The following ANKRD28 variants were observed in gnomAD, a reference collection of about 807,000 sequenced individuals.
ANKRD28 encodes serine/threonine-protein phosphatase 6 regulatory ankyrin repeat subunit A.
Under a neutral mutation model 126.5 loss-of-function variants are expected in ANKRD28, and 44 were observed. The ratio of observed to expected loss-of-function variants is 0.35; its 90% CI spans 0.27 to 0.45. The LOEUF (loss-of-function observed/expected upper bound fraction) is 0.45, where lower values mean the gene tolerates loss of function less well. ANKRD28 is among the 20% of genes least tolerant of loss of function. The pLI is 1.00. For synonymous variants in ANKRD28, 442 were observed against 468.5 expected (o/e 0.94, Z 0.73); for missense variants, 1,110 against 1,316.6 (o/e 0.84, Z 2.43).
intron 1 of ANKRD28, among the ~76,000 whole-genome samples, chr3:15,818,491 A>G (rs192684341): frequency 6.6e-6 from 1 of 152,346 alleles, no homozygotes; most frequent in East Asian, 1.9e-4. Flanking sequence ...CATTTATGCA[A>G]ATATTCCAAA....
At chr3:15,792,090 A>T (rs771329794) in intron 2 of ANKRD28, among the ~76,000 whole-genome samples, 1 of 151,826 alleles carries the variant, frequency 6.6e-6, no homozygotes, top group Non-Finnish European at 1.5e-5. Flanking sequence ...AATGCTGGTG[A>T]GGATGTAAAG....
intron 2 of ANKRD28, among the ~76,000 whole-genome samples, chr3:15,770,001 G>C (rs1401548331): frequency 2.7e-5 from 4 of 150,938 alleles, no homozygotes. Context: ...ACCTGTCAGT[G>C]GACTCCACAT....
intron 14 of ANKRD28, among the ~76,000 whole-genome samples, chr3:15,704,030 T>A (rs1347106963): frequency 6.6e-6 from 1 of 152,136 alleles, no homozygotes; most frequent in Non-Finnish European, 1.5e-5. Flanking sequence ...TTCCTTCTCT[T>A]ATATACATAC....
intron 4 of ANKRD28, among the ~76,000 whole-genome samples, chr3:15,739,472 G>A (rs2075286385): frequency 2.0e-5 from 3 of 152,006 alleles, no homozygotes; most frequent in Admixed American, 2.0e-4. Flanking sequence ...AAATGAAAAC[G>A]ACCAAAACCG....
At chr3:15,719,070 G>A (rs1333432994) in intron 8 of ANKRD28, among the ~76,000 whole-genome samples, 3 of 152,070 alleles carry the variant, frequency 2.0e-5, no homozygotes, top group African/African-American at 7.2e-5. Context: ...TGATTTGACC[G>A]AGACCTAAAA....
In ANKRD28 at chr3:15,707,827, A is replaced by G. The variant is rs573361614; in HGVS notation, c.1547+97T>C. On this transcript the variant is annotated intron_variant, in intron 14 of 27. Coordinates refer to ENST00000683139, the MANE Select transcript of ANKRD28 (RefSeq NM_001349278.2). Reference sequence around the variant, plus strand: ...AGGGCAAAGATAATCAACAAAAAATACAAAGAGGAAACACAAATTTGCAAC... The same window carrying G: ...AGGGCAAAGATAATCAACAAAAAATGCAAAGAGGAAACACAAATTTGCAAC... 1.5e-5 allele frequency: 21 copies of G among 1,418,974 alleles called. No individual in the cohort carries two copies. In the South Asian group the frequency reaches 2.2e-4, roughly 15 times the overall value. The allele number at this position is 1,418,974 out of a possible 1,614,324, so 87.9% of individuals were successfully genotyped here.
In ANKRD28 at chr3:15,737,371, A is replaced by C. The variant is rs2075088936; in HGVS notation, c.352-138T>G. On this transcript the variant is annotated intron_variant, in intron 4 of 27. Transcript: ENST00000683139. ...AAAAAGCTCTCATAGAACTCACTAT[A>C]AACAAGTAGGAATTTACCCAAGGAA... 5.4e-6 allele frequency: 4 copies of C among 737,576 alleles called. No individual in the cohort carries two copies. The South Asian group carries it at 6.2e-5, about 11-fold the overall frequency. 45.7% of individuals were successfully genotyped at this position (737,576 alleles called of 1,614,324 possible).
chr3:15,674,925 A>C (rs2066776867), intron 27 of ANKRD28, among the ~76,000 whole-genome samples: 2 of 152,092 alleles, frequency 1.3e-5, no homozygotes, highest in Non-Finnish European at 1.5e-5. Context: ...CAGTTTTGCT[A>C]TGTGTAGGGG....
At chr3:15,788,196 C>T (rs2059868639) in intron 2 of ANKRD28, among the ~76,000 whole-genome samples, 1 of 152,034 alleles carries the variant, frequency 6.6e-6, no homozygotes, top group Non-Finnish European at 1.5e-5. Flanking sequence ...CACTTGTTTG[C>T]AATGATAAAA....
At chr3:15,731,257 G>A (rs921681269) in intron 6 of ANKRD28, among the ~76,000 whole-genome samples, 1 of 152,186 alleles carries the variant, frequency 6.6e-6, no homozygotes, top group Non-Finnish European at 1.5e-5. Flanking sequence ...TATTCTGGGA[G>A]CTCAACTACA....
chr3:15,673,421 A>G (rs1417235932), intron 27 of ANKRD28, among the ~76,000 whole-genome samples: 1 of 152,260 alleles, frequency 6.6e-6, no homozygotes. Context: ...GGCACTATTT[A>G]GAACACTAAG....
At chr3:15,692,574 A>C (rs1258461654) in intron 17 of ANKRD28, among the ~76,000 whole-genome samples, 2 of 152,224 alleles carry the variant, frequency 1.3e-5, no homozygotes, top group African/African-American at 2.4e-5. Context: ...GAAGAAGTCC[A>C]AATGTCCAGT....
At chr3:15,740,302 T>G (rs759984529) in intron 4 of ANKRD28, among the ~76,000 whole-genome samples, 12 of 152,226 alleles carry the variant, frequency 7.9e-5, no homozygotes, top group Non-Finnish European at 1.5e-4. Context: ...GGATAAAGGT[T>G]ACACAGGTGT....
rs140034523 is a variant in ANKRD28, at chr3:15,823,711, T to C, written c.28-28405A>G. The stretch of plus-strand genomic sequence containing the variant: ...CAAATTCAGCAGCATATTGAAAGAA[T>C]TGTAGACCATGTCCAAGTGGGACTT... On this transcript the variant is annotated intron_variant, in intron 1 of 27. Transcript: ENST00000399451. Among the ~76,000 whole-genome samples the C allele has an allele frequency of 1.1e-4, 16 of 152,328 alleles. No individual in the cohort carries two copies. In the East Asian group the frequency reaches 2.9e-3, roughly 28 times the overall value.
intron 6 of ANKRD28, among the ~76,000 whole-genome samples, chr3:15,729,635 C>G (rs2074429496): frequency 6.6e-6 from 1 of 152,072 alleles, no homozygotes; most frequent in Admixed American, 6.6e-5. Context: ...TTAAAAATCC[C>G]TTCATAGATA....
At chr3:15,741,718 TTTTTTTTTTTTTTTTTTTTA>T (rs2125218497) in intron 4 of ANKRD28, among the ~76,000 whole-genome samples, 2 of 125,328 alleles carry the variant, frequency 1.6e-5, no homozygotes, top group African/African-American at 3.5e-5. Context: ...TTTTTTTTTT[TTTTTTTTTTTTTTTTTTTTA>T]GCAATTCTTA....
In ANKRD28 at chr3:15,815,408, C is replaced by T. The variant is rs571574969; in HGVS notation, c.28-20102G>A. On this transcript the variant is annotated intron_variant, in intron 1 of 27. Coordinates refer to the ANKRD28 transcript ENST00000399451. This position sits in a 1 kb window ranked among gnomAD's most constrained non-coding sequence, Gnocchi z 4.1. ...ACCTCCTGGGTTCAAATGATCCTCC[C>T]ACCTCAGCCTCCTCAGTAGCTGCGA... 6.6e-6 allele frequency among the ~76,000 whole-genome samples: 1 copy of T among 152,258 alleles called. No homozygotes were observed. Among genetic ancestry groups the T allele is most frequent in the South Asian group, 2.1e-4 (1 of 4,824 alleles).
chr3:15,759,468 A>C (rs565778206), intron 3 of ANKRD28, among the ~76,000 whole-genome samples: 9 of 152,310 alleles, frequency 5.9e-5, no homozygotes, highest in African/African-American at 2.2e-4. Flanking sequence ...GTATTACTAT[A>C]GATTCTATGG....
At chr3:15,775,512 C>T (rs1056836142) in intron 2 of ANKRD28, among the ~76,000 whole-genome samples, 1 of 152,182 alleles carries the variant, frequency 6.6e-6, no homozygotes, top group Non-Finnish European at 1.5e-5. Flanking sequence ...ACTTCAGATG[C>T]CAGTCCCTAC....
Sources: gnomAD v4.1 joint callset for allele counts (sites outside exome capture counted in the v4.1 genomes callset) on GRCh38, gnomAD v4.1.1 for gene constraint, Gnocchi (gnomAD v3.1) non-coding constraint, MANE v1.5 for transcripts, NCBI Gene and HGNC (gene_info 2026-07-23, HGNC 2026-07-21) for gene names.